STMND1: variants seen among roughly 807,000 people sequenced by gnomAD.
STMND1 encodes stathmin domain containing 1, also known as stathmin domain-containing protein 1.
In STMND1, 17 loss-of-function variants were observed where a neutral mutation model predicts 23.0. The observed-to-expected ratio is 0.74, with a 90% confidence interval of 0.51 to 1.11. STMND1 has a LOEUF of 1.11. Ranked by LOEUF, STMND1 falls within the 50% of genes least tolerant of loss-of-function variation. The pLI is 0.00. For synonymous variants in STMND1, 114 were observed against 119.9 expected (o/e 0.95, Z 0.32); for missense variants, 305 against 329.1 (o/e 0.93, Z 0.57).
chr6:17,126,066 ATATATTTTTTTTTTTT>A (rs1343694954), intron 3 of STMND1, among the ~76,000 whole-genome samples: 2 of 23,298 alleles, frequency 8.6e-5, no homozygotes, highest in African/African-American at 4.2e-4. Context: ...ATATATATAT[ATATATTTTTTTTTTTT>A]TTTTTTTTTT....
chr6:17,121,116 A>C (rs549446815), intron 3 of STMND1, among the ~76,000 whole-genome samples: 2 of 152,270 alleles, frequency 1.3e-5, no homozygotes, highest in African/African-American at 4.8e-5. Flanking sequence ...GCTTGCACTC[A>C]TTCTCTCTCC....
intron 3 of STMND1, 148 bp downstream of exon 3, chr6:17,120,906 C>T: frequency 1.5e-6 from 1 of 677,238 alleles, no homozygotes; most frequent in Non-Finnish European, 2.4e-6. Flanking sequence ...AAATTCCCCC[C>T]ACATCTCTGC....
intron 1 of STMND1, among the ~76,000 whole-genome samples, chr6:17,104,112 G>A (rs1430019303): frequency 3.3e-5 from 5 of 152,074 alleles, no homozygotes; most frequent in Non-Finnish European, 7.4e-5. Context: ...GTTCTTCCAG[G>A]CATCTCACAC....
intron 2 of STMND1, among the ~76,000 whole-genome samples, chr6:17,120,124 C>G (rs1761212136): frequency 6.6e-6 from 1 of 152,180 alleles, no homozygotes; most frequent in African/African-American, 2.4e-5. Flanking sequence ...GTAGACTTAG[C>G]AGATGGCGTA....
chr6:17,115,251 G>A, intron 2 of STMND1, 112 bp downstream of exon 2: 1 of 1,013,356 alleles, frequency 9.9e-7, no homozygotes, highest in Non-Finnish European at 1.4e-6. Flanking sequence ...GGGCCATGAA[G>A]TACATTAAAT....
intron 3 of STMND1, among the ~76,000 whole-genome samples, chr6:17,127,157 C>A (rs533228599): frequency 4.6e-5 from 7 of 152,324 alleles, no homozygotes; most frequent in Non-Finnish European, 7.4e-5. Context: ...CTACTTTATC[C>A]TTTTCTTTCT....
At chr6:17,123,990 A>T (rs1455591632) in intron 3 of STMND1, among the ~76,000 whole-genome samples, 4 of 152,172 alleles carry the variant, frequency 2.6e-5, no homozygotes, top group African/African-American at 9.7e-5. Flanking sequence ...AAGAATGGAA[A>T]TATTATTAGA....
chr6:17,110,443 A>G (rs1193770292), intron 1 of STMND1: 2 of 165,672 alleles, frequency 1.2e-5, no homozygotes, highest in African/African-American at 2.4e-5. Flanking sequence ...CAGGAAAGAA[A>G]AGTGCCCCTT....
intron 3 of STMND1, among the ~76,000 whole-genome samples, chr6:17,123,302 G>C (rs1366729126): frequency 6.6e-6 from 1 of 152,160 alleles, no homozygotes; most frequent in Non-Finnish European, 1.5e-5. Context: ...CATATAGAAT[G>C]GTTGTTGGGA....
chr6:17,109,267 C>T (rs1002368894), intron 1 of STMND1, among the ~76,000 whole-genome samples: 1 of 152,166 alleles, frequency 6.6e-6, no homozygotes, highest in Non-Finnish European at 1.5e-5. Flanking sequence ...CCCTGAGACA[C>T]AGAACTAATT....
Position 17,105,823 on chromosome 6 carries a change from G to C in STMND1, c.81+3485G>C, listed in dbSNP as rs546901009. On this transcript the variant is annotated intron_variant, in intron 1 of 4. Coordinates refer to ENST00000536551, the MANE Select transcript of STMND1 (RefSeq NM_001190766.2). ...TTCTGTAGTCCCAGCTACTCCGGAG[G>C]CTGAGGCAGGAGAATGGCATGAACC... is the stretch of plus-strand genomic sequence containing the variant. 5.3e-5 allele frequency among the ~76,000 whole-genome samples: 8 copies of C among 152,032 alleles called. No homozygotes were observed. The East Asian group carries it at 1.2e-3, about 22-fold the overall frequency.
At position 17,113,628 on chromosome 6, in the gene STMND1, G is replaced by A. The variant is rs571751731; in HGVS notation, c.82-1334G>A. Among the ~76,000 whole-genome samples, 4 of 147,948 alleles carry A rather than the reference G, an allele frequency of 2.7e-5. 1 individual carries two copies. In the South Asian group the frequency reaches 8.7e-4, roughly 32 times the overall value. On this transcript the variant is annotated intron_variant, in intron 1 of 4. Transcript: ENST00000536551. ...TGTAATTATTTTTTACAATAAGTCT[G>A]CATCACTTTTTTTTTTTTTTTTTGA...
At chr6:17,127,962 C>CTATAT (rs1761331857) in intron 3 of STMND1, 1 of 151,512 alleles carries the variant, frequency 6.6e-6, no homozygotes, top group Non-Finnish European at 1.5e-5. Context: ...ATATCCTTAA[C>CTATAT]ATATATATGT....
At chr6:17,110,817 G>A in intron 1 of STMND1, 1 of 455,956 alleles carries the variant, frequency 2.2e-6, no homozygotes, top group South Asian at 1.5e-5. Context: ...ACATTACCGA[G>A]TGGAAGATGC....
intron 2 of STMND1, among the ~76,000 whole-genome samples, chr6:17,116,598 TC>T (rs777947437): frequency 4.6e-5 from 7 of 151,738 alleles, no homozygotes; most frequent in Non-Finnish European, 1.0e-4. Context: ...CGCCACCATG[TC>T]CAGCTAATTT....
In STMND1 at chr6:17,120,689, A is replaced by G; in HGVS notation, c.342A>G (p.Glu114=). 1.3e-6 allele frequency: 2 copies of G among 1,535,594 alleles called. No homozygotes were observed. The highest frequency in any genetic ancestry group is 1.4e-5 in the African/African-American group (1 of 73,168). ...ERQKSSDILE[E]LIVQGIIQSH... ...AGAAGTCATCAGATATCCTGGAGGA[A>G]CTAATTGTTCAAGGAATTATACAAA... Residue 114 remains glutamate, a synonymous_variant, in exon 3 of 5, where the codon GAA becomes GAG. Coordinates refer to ENST00000536551, the MANE Select transcript of STMND1 (RefSeq NM_001190766.2).
intron 1 of STMND1, among the ~76,000 whole-genome samples, chr6:17,106,140 C>T (rs746275137): frequency 7.2e-5 from 11 of 152,150 alleles, no homozygotes; most frequent in African/African-American, 2.2e-4. Flanking sequence ...TCTCCCTCTC[C>T]GGGGTCACAT....
intron 1 of STMND1, chr6:17,110,967 G>C: frequency 4.5e-6 from 2 of 443,288 alleles, no homozygotes; most frequent in South Asian, 3.2e-5. Flanking sequence ...GCCAGCACCT[G>C]GAGAGAGAAG....
At chr6:17,107,293 C>A (rs1761036735) in intron 1 of STMND1, among the ~76,000 whole-genome samples, 1 of 152,078 alleles carries the variant, frequency 6.6e-6, no homozygotes, top group Non-Finnish European at 1.5e-5. Context: ...CAAAAACACA[C>A]AACAAACAAA....
Sources: allele counts gnomAD v4.1 joint callset (sites outside exome capture counted in the v4.1 genomes callset), GRCh38; gene constraint gnomAD v4.1.1; transcripts MANE v1.5; gene names NCBI Gene and HGNC (gene_info 2026-07-23, HGNC 2026-07-21).